Variants in ADNP2 observed in about 807,000 individuals in gnomAD.
ADNP2 encodes the protein ADNP homeobox 2, also known as activity-dependent neuroprotector homeobox protein 2.
In ADNP2, 8 loss-of-function variants were observed where a neutral mutation model predicts 16.4. The ratio of observed to expected loss-of-function variants is 0.49; its 90% CI spans 0.29 to 0.88. ADNP2 has a LOEUF of 0.88. ADNP2 is among the 40% of genes least tolerant of loss of function. ADNP2 has a pLI of 0.09. For synonymous variants in ADNP2, 637 were observed against 545.8 expected (o/e 1.17, Z -2.33); for missense variants, 1,397 against 1,395.1 (o/e 1.00, Z -0.02).
At chr18:80,127,741 G>A (rs2052470045) in intron 2 of ADNP2, among the ~76,000 whole-genome samples, 1 of 152,198 alleles carries the variant, frequency 6.6e-6, no homozygotes, top group African/African-American at 2.4e-5. Flanking sequence ...GAATTTTTAA[G>A]CATTGCTAGA....
intron 1 of ADNP2, among the ~76,000 whole-genome samples, chr18:80,112,254 T>C (rs1230824406): frequency 1.3e-5 from 2 of 152,244 alleles, no homozygotes; most frequent in Non-Finnish European, 1.5e-5. Flanking sequence ...TGATAAATTA[T>C]GCTATAAGAA....
At position 80,137,735 on chromosome 18, in the gene ADNP2, C is replaced by G; in HGVS notation, c.2322C>G (p.Phe774Leu). 6.2e-7 allele frequency: 1 copy of G among 1,614,132 alleles called. No homozygotes were observed. Among genetic ancestry groups the G allele is most frequent in the Non-Finnish European group, 8.5e-7 (1 of 1,180,042 alleles). ...HLLMHGLGCLFCPCTFHDIKG... is the reference protein window; with the variant it reads ...HLLMHGLGCLLCPCTFHDIKG... ...TGATGCATGGCTTGGGGTGCTTGTT[C>G]TGTCCATGCACCTTCCATGATATCA... is the stretch of plus-strand genomic sequence containing the variant. Residue 774 changes from phenylalanine to leucine, a missense_variant, in exon 4 of 4, where the codon TTC becomes TTG. This residue lies in a region of ADNP2 where 611 missense variants were observed against 648.7 expected (regional missense o/e 0.94). Transcript: ENST00000262198. This position sits in a 1 kb window ranked among gnomAD's most constrained non-coding sequence, Gnocchi z 4.2.
At chr18:80,115,850 A>G (rs2052385728) in intron 1 of ADNP2, among the ~76,000 whole-genome samples, 1 of 151,924 alleles carries the variant, frequency 6.6e-6, no homozygotes, top group African/African-American at 2.4e-5. Context: ...ACCTCGGCTC[A>G]CTGCAACCTC....
intron 2 of ADNP2, among the ~76,000 whole-genome samples, chr18:80,126,874 C>G (rs946746441): frequency 6.6e-6 from 1 of 152,152 alleles, no homozygotes; most frequent in African/African-American, 2.4e-5. Flanking sequence ...CAGTCAACCA[C>G]GGTTTGAAAA....
intron 2 of ADNP2, 79 bp downstream of exon 2, chr18:80,117,729 CA>C: frequency 9.2e-7 from 1 of 1,081,322 alleles, no homozygotes. Flanking sequence ...TAAGATTCCT[CA>C]AAATGGAAAT....
At chr18:80,112,585 A>G (rs903567888) in intron 1 of ADNP2, among the ~76,000 whole-genome samples, 1 of 152,180 alleles carries the variant, frequency 6.6e-6, no homozygotes, top group Non-Finnish European at 1.5e-5. Context: ...CTATTTTTCA[A>G]ATTCAAGGGA....
At chr18:80,130,740 G>A (rs915465636) in intron 2 of ADNP2, among the ~76,000 whole-genome samples, 1 of 83,306 alleles carries the variant, frequency 1.2e-5, no homozygotes, top group African/African-American at 4.5e-5. Context: ...CCCAGCCCCC[G>A]CCCCCCCGCC....
chr18:80,137,721 T>C lies in ADNP2; in HGVS notation c.2308T>C (p.Leu770=). ...TATACACCACTTGCTGATGCATGGCTTGGGGTGCTTGTTCTGTCCATGCAC... is the reference window on the plus strand; with the variant it reads ...TATACACCACTTGCTGATGCATGGCCTGGGGTGCTTGTTCTGTCCATGCAC... ...ELIHHLLMHG[L]GCLFCPCTFH... Residue 770 remains leucine, a synonymous_variant, in exon 4 of 4, where the codon TTG becomes CTG. Transcript: ENST00000262198. This position sits in a 1 kb window ranked among gnomAD's most constrained non-coding sequence, Gnocchi z 4.2. 6.2e-7 allele frequency: 1 copy of C among 1,614,176 alleles called. No individual in the cohort carries two copies. The highest frequency in any genetic ancestry group is 1.1e-5 in the South Asian group (1 of 91,082).
At chr18:80,124,622 T>G (rs990660110) in intron 2 of ADNP2, among the ~76,000 whole-genome samples, 1 of 152,086 alleles carries the variant, frequency 6.6e-6, no homozygotes, top group Non-Finnish European at 1.5e-5. Flanking sequence ...TTGTGGTGGC[T>G]TCCTTATGCA....
chr18:80,126,283 CAT>C (rs901272641), intron 2 of ADNP2, among the ~76,000 whole-genome samples: 21 of 152,148 alleles, frequency 1.4e-4, no homozygotes, highest in Admixed American at 3.9e-4. Context: ...TTTTCTTCCA[CAT>C]GTTAGAAATC....
At chr18:80,112,527 A>G (rs2052364349) in intron 1 of ADNP2, among the ~76,000 whole-genome samples, 1 of 152,140 alleles carries the variant, frequency 6.6e-6, no homozygotes, top group African/African-American at 2.4e-5. Flanking sequence ...GAAGGGCCAC[A>G]ATAACGATGA....
At position 80,123,866 on chromosome 18, in the gene ADNP2, A is replaced by T. The variant is rs920024742; in HGVS notation, c.108+6216A>T. 3.9e-5 allele frequency among the ~76,000 whole-genome samples: 6 copies of T among 152,056 alleles called. No individual in the cohort carries two copies. The East Asian group carries it at 7.7e-4, about 20-fold the overall frequency. The stretch of plus-strand genomic sequence containing the variant: ...TGCCTCAGCCTCCCGAGTAGCTGGG[A>T]TTACAGGCGTGCATCACCATGCCCA... On this transcript the variant is annotated intron_variant, in intron 2 of 3. Coordinates refer to ENST00000262198, the MANE Select transcript of ADNP2 (RefSeq NM_014913.4).
Position 80,136,532 on chromosome 18 carries a change from C to CT in ADNP2, c.1121dup (p.Leu374PhefsTer10). ...AGTCTGTGAATCCTCCTGTGTTGCC[C>CT]TTGAGTCAGCCAGTCGGACCTGTCA... On this transcript the variant is annotated frameshift_variant, in exon 4 of 4. Transcript: ENST00000262198. LOFTEE classifies it low-confidence loss of function (END_TRUNC). The CT allele has an allele frequency of 6.2e-7, 1 of 1,614,236 alleles. No homozygotes were observed. The highest frequency in any genetic ancestry group is 8.5e-7 in the Non-Finnish European group (1 of 1,180,050).
chr18:80,135,431 T>C (rs555925367), intron 3 of ADNP2, among the ~76,000 whole-genome samples, 181 bp from the exon 4 acceptor site: 2 of 152,210 alleles, frequency 1.3e-5, no homozygotes, highest in Non-Finnish European at 2.9e-5. Flanking sequence ...CCCACAGTCC[T>C]AACATAATCA....
Position 80,138,335 on chromosome 18 carries a change from T to C in ADNP2, c.2922T>C (p.Phe974=). ...GTGAAGTGATGCATGATTCCAGTTT[T>C]TCTGTTAAGAGAAAGCTGCCTGACG... ...VSGEVMHDSS[F]SVKRKLPDGH... is the part of the protein sequence containing the mutation. Residue 974 remains phenylalanine, a synonymous_variant, in exon 4 of 4, where the codon TTT becomes TTC. Coordinates refer to ENST00000262198, the MANE Select transcript of ADNP2 (RefSeq NM_014913.4). The C allele has an allele frequency of 6.2e-7, 1 of 1,614,154 alleles. No homozygotes were observed. Among genetic ancestry groups the C allele is most frequent in the Non-Finnish European group, 8.5e-7 (1 of 1,180,042 alleles).
At position 80,136,665 on chromosome 18, in the gene ADNP2, G is replaced by A. The variant is rs1350790191; in HGVS notation, c.1252G>A (p.Val418Ile). 2 of 1,613,478 alleles carry A rather than the reference G, an allele frequency of 1.2e-6. No homozygotes were observed. Among genetic ancestry groups the A allele is most frequent in the Non-Finnish European group, 1.7e-6 (2 of 1,179,658 alleles). The change falls in exon 4 of 4, where the codon GTT becomes ATT. Residue 418 changes from valine (V) to isoleucine (I), a missense_variant. By Grantham distance (29) the Val-to-Ile change is conservative (BLOSUM62 3). Around this residue, in one of 3 missense-constraint regions of ADNP2, gnomAD observed 777 missense variants for 719.4 expected, o/e 1.08. Coordinates refer to ENST00000262198, the MANE Select transcript of ADNP2 (RefSeq NM_014913.4). ...CATAAACAGACCTGTTGGGCCTGGT[G>A]TTCTTCCTGTGAGCCCCTCTGTCAC... is the stretch of plus-strand genomic sequence containing the variant. ...GPINRPVGPG[V>I]LPVSPSVTPG...
At chr18:80,116,087 T>C (rs12955405) in intron 1 of ADNP2, among the ~76,000 whole-genome samples, 27,507 of 152,150 alleles carry the variant, frequency 0.18, 2,757 homozygotes, top group Middle Eastern at 0.25. Context: ...TTCTATGGAT[T>C]TGCCTGTTCT....
chr18:80,137,941 T>G lies in ADNP2; in HGVS notation c.2528T>G (p.Ile843Ser). 6.2e-7 allele frequency: 1 copy of G among 1,613,312 alleles called. No individual in the cohort carries two copies. Among genetic ancestry groups the G allele is most frequent in the Non-Finnish European group, 8.5e-7 (1 of 1,180,008 alleles). Residue 843 changes from isoleucine (I) to serine (S), a missense_variant, in exon 4 of 4, where the codon ATC becomes AGC. Physicochemically the swap from Ile to Ser is moderately radical, Grantham distance 142. Transcript: ENST00000262198. The surrounding 1 kb of genome is among the most constrained non-coding windows in gnomAD (Gnocchi z 4.2). ...KLGEREVYLA[I>S]LAGIHSKSLV... The stretch of plus-strand genomic sequence containing the variant: ...GGGGAGCGGGAAGTCTACTTGGCAA[T>G]CCTGGCTGGGATACACTCCAAGTCA...
chr18:80,122,976 C>A (rs1335806141), intron 2 of ADNP2, among the ~76,000 whole-genome samples: 1 of 151,860 alleles, frequency 6.6e-6, no homozygotes, highest in African/African-American at 2.4e-5. Context: ...TGAGGAGAGT[C>A]CCTTCAATTC....
Sources: gnomAD v4.1 joint callset for allele counts (sites outside exome capture counted in the v4.1 genomes callset) on GRCh38, gnomAD v4.1.1 for gene constraint, gnomAD v4.1.1 regional missense constraint, Gnocchi (gnomAD v3.1) non-coding constraint, MANE v1.5 for transcripts, NCBI Gene and HGNC (gene_info 2026-07-23, HGNC 2026-07-21) for gene names.